The following PLEKHA2 variants were observed in gnomAD, a reference collection of about 807,000 sequenced individuals.
The protein encoded by PLEKHA2 is pleckstrin homology domain-containing family A member 2.
PLEKHA2 carries 28 observed loss-of-function variants against 53.2 expected under a neutral mutation model. The ratio of observed to expected loss-of-function variants is 0.53; its 90% CI spans 0.39 to 0.72. The LOEUF (loss-of-function observed/expected upper bound fraction) is 0.72, where lower values mean the gene tolerates loss of function less well. PLEKHA2 is among the 30% of genes least tolerant of loss of function. The pLI is 0.00. For synonymous variants in PLEKHA2, 193 were observed against 196.4 expected (o/e 0.98, Z 0.14); for missense variants, 426 against 537.9 (o/e 0.79, Z 2.06).
At position 38,971,757 on chromosome 8, in the gene PLEKHA2, C is replaced by A. The variant is rs1021449654; in HGVS notation, c.*1974C>A. Reference sequence around the variant, plus strand: ...GATCACGAGGTCAGGAGATCGAGACCGCGGTGAAACCCCGTCTCTACTAAA... The same window carrying A: ...GATCACGAGGTCAGGAGATCGAGACAGCGGTGAAACCCCGTCTCTACTAAA... On this transcript the variant is annotated 3_prime_UTR_variant, in exon 12 of 12. Transcript: ENST00000617275. 1.2e-4 allele frequency: 19 copies of A among 152,084 alleles called. No individual in the cohort carries two copies. Among genetic ancestry groups the A allele is most frequent in the African/African-American group, 4.6e-4 (19 of 41,422 alleles). 9.4% of individuals were successfully genotyped at this position (152,084 alleles called of 1,614,324 possible). A position where few individuals can be genotyped will look rare whatever the true frequency, so the allele number is the denominator to read the frequency against.
At chr8:38,901,590 C>A (rs900623929) in intron 1 of PLEKHA2, 145 bp downstream of exon 1, 3 of 152,216 alleles carry the variant, frequency 2.0e-5, no homozygotes, top group African/African-American at 7.2e-5. Flanking sequence ...GCTGAATACG[C>A]CGGTCCTAGT....
chr8:38,921,655 T>C (rs574006654), intron 2 of PLEKHA2, among the ~76,000 whole-genome samples: 167 of 152,350 alleles, frequency 1.1e-3, no homozygotes, highest in Admixed American at 5.7e-3. Flanking sequence ...TCTTACTCTT[T>C]CCTGCTAGCT....
At chr8:38,915,201 C>T (rs1834036829) in intron 1 of PLEKHA2, among the ~76,000 whole-genome samples, 1 of 152,202 alleles carries the variant, frequency 6.6e-6, no homozygotes, top group African/African-American at 2.4e-5. Flanking sequence ...CCACCTCAGT[C>T]CCCCAAAGTG....
At chr8:38,948,560 A>T (rs555897979) in intron 5 of PLEKHA2, among the ~76,000 whole-genome samples, 3 of 152,128 alleles carry the variant, frequency 2.0e-5, no homozygotes, top group Admixed American at 6.5e-5. Flanking sequence ...GTCCTTGTCT[A>T]TGTAAACTGA....
chr8:38,904,867 C>T (rs1833846018), intron 1 of PLEKHA2, among the ~76,000 whole-genome samples: 1 of 152,170 alleles, frequency 6.6e-6, no homozygotes, highest in South Asian at 2.1e-4. Flanking sequence ...TGTTAGGCAC[C>T]CACACATGCA....
chr8:38,945,453 C>T (rs1834696181), intron 4 of PLEKHA2, among the ~76,000 whole-genome samples: 1 of 152,198 alleles, frequency 6.6e-6, no homozygotes, highest in Non-Finnish European at 1.5e-5. Flanking sequence ...GTCTCCCCAC[C>T]TCAGATTTGT....
chr8:38,907,818 TTATGTATGTATGTATGTATG>T (rs79770085), intron 1 of PLEKHA2, among the ~76,000 whole-genome samples: 2 of 147,176 alleles, frequency 1.4e-5, no homozygotes, highest in South Asian at 2.2e-4. Flanking sequence ...GCCACTTATT[TTATGTATGTATGTATGTATG>T]TATGTATGTA....
chr8:38,968,822 T>G, intron 11 of PLEKHA2, 153 bp downstream of exon 11: 1 of 665,508 alleles, frequency 1.5e-6, no homozygotes, highest in Non-Finnish European at 2.6e-6. Flanking sequence ...TTCTACTAAT[T>G]TGGGTACACA....
chr8:38,937,619 AG>A (rs1044037940), intron 3 of PLEKHA2, among the ~76,000 whole-genome samples: 2 of 152,126 alleles, frequency 1.3e-5, no homozygotes, highest in African/African-American at 4.8e-5. Flanking sequence ...TCATTTAGAA[AG>A]GGTGACCTGC....
Position 38,971,275 on chromosome 8 carries a change from C to G in PLEKHA2, c.*1492C>G, listed in dbSNP as rs1320294308. 2 of 153,398 alleles carry G rather than the reference C, an allele frequency of 1.3e-5. No individual in the cohort carries two copies. The highest frequency in any genetic ancestry group is 2.9e-5 in the Non-Finnish European group (2 of 68,234). 9.5% of individuals were successfully genotyped at this position (153,398 alleles called of 1,614,324 possible). A position where few individuals can be genotyped will look rare whatever the true frequency, so the allele number is the denominator to read the frequency against. Reference sequence around the variant, plus strand: ...GTTTTCCTGGTATAAAACAGGAAATCTACATTGTTCCCTCTTTCTCTCCCT... The same window carrying G: ...GTTTTCCTGGTATAAAACAGGAAATGTACATTGTTCCCTCTTTCTCTCCCT... On this transcript the variant is annotated 3_prime_UTR_variant, in exon 12 of 12. Coordinates refer to ENST00000617275, the MANE Select transcript of PLEKHA2 (RefSeq NM_021623.2).
intron 3 of PLEKHA2, among the ~76,000 whole-genome samples, chr8:38,936,832 C>T (rs1169443867): frequency 6.6e-6 from 1 of 152,256 alleles, no homozygotes; most frequent in African/African-American, 2.4e-5. Context: ...ACTCTTTGTA[C>T]AGTGAGGAGA....
At chr8:38,951,159 T>C (rs866233166) in intron 6 of PLEKHA2, among the ~76,000 whole-genome samples, 169 bp downstream of exon 6, 1 of 152,026 alleles carries the variant, frequency 6.6e-6, no homozygotes, top group African/African-American at 2.4e-5. Flanking sequence ...TCCCCATTCA[T>C]GGGTGTTAGT....
intron 3 of PLEKHA2, 24 bp downstream of exon 3, chr8:38,936,074 GA>G: frequency 6.2e-7 from 1 of 1,609,572 alleles, no homozygotes; most frequent in Non-Finnish European, 8.5e-7. Context: ...GGAACTCTGG[GA>G]ATTCATGCTC....
Position 38,950,894 on chromosome 8 carries a change from G to A in PLEKHA2, c.390G>A (p.Lys130=), listed in dbSNP as rs1302264741. The stretch of plus-strand genomic sequence containing the variant: ...TACCCATGACCACTGAAGTTCTCAA[G>A]AGCTTAGCAGCTCCTCCAGCCCTGG... ...GGLPMTTEVL[K]SLAAPPALEK... Residue 130 remains lysine, a synonymous_variant, in exon 6 of 12, where the codon AAG becomes AAA. Transcript: ENST00000617275. 1 of 1,613,976 alleles carries A rather than the reference G, an allele frequency of 6.2e-7. No individual in the cohort carries two copies. Among genetic ancestry groups the A allele is most frequent in the Non-Finnish European group, 8.5e-7 (1 of 1,179,874 alleles).
At chr8:38,962,972 G>A (rs1368469742) in intron 10 of PLEKHA2, among the ~76,000 whole-genome samples, 2 of 152,208 alleles carry the variant, frequency 1.3e-5, no homozygotes, top group Non-Finnish European at 2.9e-5. Flanking sequence ...GGGAAAGGAG[G>A]GTTGCAGAGG....
chr8:38,913,837 T>C (rs1304729272), intron 1 of PLEKHA2, among the ~76,000 whole-genome samples: 1 of 152,218 alleles, frequency 6.6e-6, no homozygotes, highest in African/African-American at 2.4e-5. Flanking sequence ...CGTCTGTTCC[T>C]CATTACTGGC....
intron 2 of PLEKHA2, among the ~76,000 whole-genome samples, chr8:38,920,176 G>T (rs756170157): frequency 6.6e-6 from 1 of 150,706 alleles, no homozygotes; most frequent in Non-Finnish European, 1.5e-5. Context: ...TTTGAGACGG[G>T]GTCTCTCTCT....
intron 10 of PLEKHA2, among the ~76,000 whole-genome samples, chr8:38,962,444 C>A (rs1397703257): frequency 6.6e-6 from 1 of 152,156 alleles, no homozygotes. Context: ...TTGGAGAAGA[C>A]CAACTTGGGG....
chr8:38,918,123 A>G (rs1834094803), intron 2 of PLEKHA2, 53 bp downstream of exon 2: 3 of 1,578,820 alleles, frequency 1.9e-6, no homozygotes, highest in Non-Finnish European at 1.7e-6. Flanking sequence ...TCACTGCGCC[A>G]GAGGAATGCA....
Sources: gnomAD v4.1 joint callset for allele counts (sites outside exome capture counted in the v4.1 genomes callset) on GRCh38, gnomAD v4.1.1 for gene constraint, MANE v1.5 for transcripts, NCBI Gene and HGNC (gene_info 2026-07-23, HGNC 2026-07-21) for gene names.